The following NELL2 variants were observed in gnomAD, a reference collection of about 807,000 sequenced individuals.
NELL2 encodes neural EGFL like 2.
In NELL2, 41 loss-of-function variants were observed where a neutral mutation model predicts 109.6. The ratio of observed to expected loss-of-function variants is 0.37; its 90% CI spans 0.29 to 0.49. The LOEUF (loss-of-function observed/expected upper bound fraction) is 0.49. NELL2 is among the 20% of genes least tolerant of loss of function. The pLI is 0.98. For synonymous variants in NELL2, 355 were observed against 344.7 expected, an observed-to-expected ratio of 1.03 and a Z score of -0.33; for missense variants, 900 against 1,008.3, an observed-to-expected ratio of 0.89 and a Z score of 1.45.
At chr12:44,540,622 G>GT (rs1407586764) in intron 15 of NELL2, among the ~76,000 whole-genome samples, 1 of 151,896 alleles carries the variant, frequency 6.6e-6, no homozygotes. Context: ...GTGAATGTTT[G>GT]TTTTTTTCCT....
chr12:44,747,798 C>T (rs1359184978), intron 9 of NELL2, among the ~76,000 whole-genome samples: 3 of 152,086 alleles, frequency 2.0e-5, no homozygotes, highest in South Asian at 2.1e-4. Flanking sequence ...GCCTACCCTG[C>T]CTCTCCCTAA....
chr12:44,802,733 T>A (rs1415056210), intron 3 of NELL2, among the ~76,000 whole-genome samples: 1 of 152,064 alleles, frequency 6.6e-6, no homozygotes, highest in Non-Finnish European at 1.5e-5. Flanking sequence ...CACTTTTACA[T>A]AAATATATAT....
At chr12:44,558,849 G>A (rs1207607337) in intron 15 of NELL2, among the ~76,000 whole-genome samples, 2 of 152,118 alleles carry the variant, frequency 1.3e-5, no homozygotes, top group Non-Finnish European at 2.9e-5. Flanking sequence ...TGGAAAAGGG[G>A]CTGAAGCCAG....
chr12:44,567,080 G>T (rs1424045987), intron 15 of NELL2, among the ~76,000 whole-genome samples: 1 of 152,130 alleles, frequency 6.6e-6, no homozygotes, highest in Admixed American at 6.5e-5. Context: ...AAAATGCTGG[G>T]ATTACAGGCG....
At chr12:44,711,764 T>C (rs1405396353) in intron 10 of NELL2, among the ~76,000 whole-genome samples, 1 of 151,986 alleles carries the variant, frequency 6.6e-6, no homozygotes, top group African/African-American at 2.4e-5. Flanking sequence ...AAAAAAACAG[T>C]AAATTAAAAT....
intron 11 of NELL2, among the ~76,000 whole-genome samples, chr12:44,705,127 A>G (rs1416938060): frequency 6.6e-6 from 1 of 152,160 alleles, no homozygotes; most frequent in Non-Finnish European, 1.5e-5. Context: ...TATAGATGGA[A>G]GTACTATATT....
chr12:44,718,649 GTGAT>G (rs934426125), intron 9 of NELL2, among the ~76,000 whole-genome samples: 8 of 152,310 alleles, frequency 5.3e-5, no homozygotes, highest in African/African-American at 1.9e-4. Context: ...TCTATGCTGA[GTGAT>G]TGATTGAATA....
Position 44,772,136 on chromosome 12 carries a change from A to T in NELL2, c.994+2611T>A, listed in dbSNP as rs918402376. On this transcript the variant is annotated intron_variant, in intron 9 of 19. Transcript: ENST00000429094. The stretch of plus-strand genomic sequence containing the variant: ...GGGTCTAAGAAGAGGGCTTATATTT[A>T]TATTTAAAAGAGTAAAAAACATAGG... 6.0e-4 allele frequency among the ~76,000 whole-genome samples: 92 copies of T among 152,338 alleles called. 1 individual carries two copies. Among genetic ancestry groups the T allele is most frequent in the African/African-American group, 2.1e-3 (88 of 41,576 alleles).
Position 44,574,456 on chromosome 12 carries a change from G to C in NELL2, c.1663+32713C>G, listed in dbSNP as rs372330148. The stretch of plus-strand genomic sequence containing the variant: ...ATATTGTCTTAAATTTAAAAATGCA[G>C]TGAAAATATCTATAACCCACTTAAT... On this transcript the variant is annotated intron_variant, in intron 15 of 19. Transcript: ENST00000429094. Among the ~76,000 whole-genome samples the C allele has an allele frequency of 5.3e-5, 8 of 152,216 alleles. No individual in the cohort carries two copies. The South Asian group carries it at 1.7e-3, about 32-fold the overall frequency.
At chr12:44,661,575 A>G (rs534303012) in intron 13 of NELL2, among the ~76,000 whole-genome samples, 1 of 152,246 alleles carries the variant, frequency 6.6e-6, no homozygotes, top group Admixed American at 6.5e-5. Context: ...TAACAATTCC[A>G]TCTTTGTTTC....
At chr12:44,666,040 C>T (rs949747914) in intron 12 of NELL2, among the ~76,000 whole-genome samples, 1 of 152,094 alleles carries the variant, frequency 6.6e-6, no homozygotes. Context: ...TCGATATAAA[C>T]CAGAATTGTA....
Position 44,508,732 on chromosome 12 carries a change from A to T in NELL2, c.*202T>A. On this transcript the variant is annotated 3_prime_UTR_variant, in exon 20 of 20. Coordinates refer to ENST00000429094, the MANE Select transcript of NELL2 (RefSeq NM_001145108.2). ...GTGATGTGAGACACAGTAGAGGCAG[A>T]CTTGAGGTCTAATTTTGCCCCAGTA... 1 of 580,700 alleles carries T rather than the reference A, an allele frequency of 1.7e-6. No homozygotes were observed. The highest frequency in any genetic ancestry group is 2.1e-5 in the South Asian group (1 of 48,700). The allele number at this position is 580,700 out of a possible 1,614,324, so 36.0% of individuals were successfully genotyped here.
At chr12:44,658,124 C>A (rs912520322) in intron 13 of NELL2, among the ~76,000 whole-genome samples, 6 of 152,216 alleles carry the variant, frequency 3.9e-5, no homozygotes, top group Non-Finnish European at 7.3e-5. Context: ...TATTTCTCCA[C>A]ATCCTCTCCA....
chr12:44,671,135 G>T (rs953586528), intron 12 of NELL2, among the ~76,000 whole-genome samples: 3 of 152,240 alleles, frequency 2.0e-5, no homozygotes, highest in African/African-American at 7.2e-5. Context: ...AATAACAACA[G>T]AAATTCTAGA....
At chr12:44,523,519 A>C (rs779727944) in intron 16 of NELL2, 35 bp from the exon 17 acceptor site, 1 of 1,592,084 alleles carries the variant, frequency 6.3e-7, no homozygotes, top group Non-Finnish European at 8.6e-7. Context: ...CAATGTGCTT[A>C]GAATATGTGC....
At chr12:44,801,939 C>T (rs974842336) in intron 3 of NELL2, among the ~76,000 whole-genome samples, 2 of 73,206 alleles carry the variant, frequency 2.7e-5, no homozygotes, top group African/African-American at 8.4e-5. Flanking sequence ...ACTCAAGGAA[C>T]TTCTCATCAC....
chr12:44,665,436 A>G, intron 13 of NELL2, 48 bp downstream of exon 13: 1 of 1,509,512 alleles, frequency 6.6e-7, no homozygotes, highest in Non-Finnish European at 8.9e-7. Context: ...TTTTAAAAGT[A>G]AACTTAAGAC....
chr12:44,892,797 CAAAA>C (rs57230571), intron 1 of NELL2, among the ~76,000 whole-genome samples: 2 of 57,768 alleles, frequency 3.5e-5, no homozygotes, highest in South Asian at 6.4e-4. Flanking sequence ...GACTCTGTCT[CAAAA>C]AAAAAAAAAA....
intron 9 of NELL2, among the ~76,000 whole-genome samples, chr12:44,721,900 A>G (rs1388086455): frequency 6.6e-6 from 1 of 152,072 alleles, no homozygotes; most frequent in East Asian, 1.9e-4. Context: ...TGACAGCTAT[A>G]TTAATAACTC....
Sources: gnomAD v4.1 joint callset for allele counts (sites outside exome capture counted in the v4.1 genomes callset) on GRCh38, gnomAD v4.1.1 for gene constraint, MANE v1.5 for transcripts, NCBI Gene and HGNC (gene_info 2026-07-23, HGNC 2026-07-21) for gene names.